The following FREM3 variants were observed in gnomAD, a reference collection of about 807,000 sequenced individuals.
FREM3 encodes FRAS1-related extracellular matrix protein 3.
FREM3 carries 105 observed loss-of-function variants against 129.1 expected under a neutral mutation model. The observed-to-expected ratio is 0.81, with a 90% CI of 0.69 to 0.96. FREM3 has a LOEUF of 0.96. FREM3 is among the 40% of genes least tolerant of loss of function. FREM3 has a pLI of 0.00. For missense variants in FREM3, 2,593 were observed against 2,666.3 expected (o/e 0.97, Z 0.61); for synonymous variants, 1,014 against 1,044.9 (o/e 0.97, Z 0.57).
intron 7 of FREM3, among the ~76,000 whole-genome samples, chr4:143,582,671 T>C (rs1284155739): frequency 6.6e-6 from 1 of 152,082 alleles, no homozygotes; most frequent in South Asian, 2.1e-4. Flanking sequence ...CAGGCTGAAA[T>C]GACTGAAATA....
chr4:143,588,982 C>T (rs1738301181), intron 6 of FREM3, among the ~76,000 whole-genome samples: 1 of 151,942 alleles, frequency 6.6e-6, no homozygotes, highest in Admixed American at 6.6e-5. Flanking sequence ...ATTTGCATTT[C>T]TCTGATGGCC....
intron 2 of FREM3, among the ~76,000 whole-genome samples, chr4:143,648,289 C>T (rs1466992604): frequency 6.6e-6 from 1 of 152,202 alleles, no homozygotes; most frequent in African/African-American, 2.4e-5. Flanking sequence ...AGGGATTTGC[C>T]TTGTCTCAGA....
chr4:143,663,735 A>T (rs1739789232), intron 2 of FREM3, among the ~76,000 whole-genome samples: 1 of 152,008 alleles, frequency 6.6e-6, no homozygotes, highest in Admixed American at 6.6e-5. Flanking sequence ...TCAGATGTAG[A>T]TTTGGTCTTT....
chr4:143,679,169 A>C (rs1200921409), intron 2 of FREM3, among the ~76,000 whole-genome samples: 2 of 152,194 alleles, frequency 1.3e-5, no homozygotes, highest in Admixed American at 1.3e-4. Flanking sequence ...GGACTATTTA[A>C]AAAATACCAC....
At chr4:143,582,187 C>A (rs1459604927) in intron 7 of FREM3, among the ~76,000 whole-genome samples, 1 of 152,166 alleles carries the variant, frequency 6.6e-6, no homozygotes, top group Non-Finnish European at 1.5e-5. Context: ...GAGTGTAAAG[C>A]CTGAGCTTGC....
chr4:143,693,067 AT>A, intron 2 of FREM3, 45 bp downstream of exon 2: 1 of 1,030,660 alleles, frequency 9.7e-7, no homozygotes, highest in South Asian at 1.8e-5. Context: ...TTTTATGTTG[AT>A]TTTAGTTAAC....
chr4:143,643,429 T>C (rs570133835), intron 2 of FREM3, among the ~76,000 whole-genome samples: 7 of 151,540 alleles, frequency 4.6e-5, no homozygotes, highest in Admixed American at 4.6e-4. Context: ...TGTTTTATTA[T>C]ATAATATATA....
chr4:143,577,599 T>C lies in FREM3; in HGVS notation c.*12A>G. On this transcript the variant is annotated 3_prime_UTR_variant, in exon 8 of 8. Transcript: ENST00000329798. Reference sequence around the variant, plus strand: ...GACATATCTTGGCTGTTTTTTTCCCTCTTAAAGTCTTTCAATCAAAGGAAC... The same window carrying C: ...GACATATCTTGGCTGTTTTTTTCCCCCTTAAAGTCTTTCAATCAAAGGAAC... 6.5e-7 allele frequency: 1 copy of C among 1,534,426 alleles called. No homozygotes were observed. Among genetic ancestry groups the C allele is most frequent in the Non-Finnish European group, 8.7e-7 (1 of 1,144,970 alleles).
At chr4:143,581,586 C>T (rs1216204515) in intron 7 of FREM3, among the ~76,000 whole-genome samples, 1 of 152,010 alleles carries the variant, frequency 6.6e-6, no homozygotes, top group Non-Finnish European at 1.5e-5. Flanking sequence ...GCCACTGCCA[C>T]TGCAGTGGTT....
chr4:143,589,948 G>T (rs1208242142), intron 6 of FREM3, among the ~76,000 whole-genome samples: 1 of 152,070 alleles, frequency 6.6e-6, no homozygotes, highest in Non-Finnish European at 1.5e-5. Flanking sequence ...CCTTGAAGAG[G>T]TCCTTCACCT....
chr4:143,682,813 G>C (rs1002774502), intron 2 of FREM3, among the ~76,000 whole-genome samples: 1 of 152,186 alleles, frequency 6.6e-6, no homozygotes, highest in Non-Finnish European at 1.5e-5. Context: ...GAGAACAATG[G>C]TTCAATGTTT....
chr4:143,577,572 G>A lies in FREM3; in HGVS notation c.*39C>T. The A allele has an allele frequency of 4.6e-6, 7 of 1,515,576 alleles. No homozygotes were observed. Among genetic ancestry groups the A allele is most frequent in the Admixed American group, 2.0e-5 (1 of 49,376 alleles). The allele number at this position is 1,515,576 out of a possible 1,614,324, so 93.9% of individuals were successfully genotyped here. ...CAGTAGAGTTTCATTCTGTTGTTAG[G>A]AGACATATCTTGGCTGTTTTTTTCC... On this transcript the variant is annotated 3_prime_UTR_variant, in exon 8 of 8. Transcript: ENST00000329798.
chr4:143,663,686 A>G (rs1042388133), intron 2 of FREM3, among the ~76,000 whole-genome samples: 94 of 152,262 alleles, frequency 6.2e-4, no homozygotes, highest in Non-Finnish European at 2.9e-4. Context: ...GTGTTTTCCA[A>G]CTTGGTTCCA....
At chr4:143,695,166 C>A (rs1479466224) in intron 1 of FREM3, among the ~76,000 whole-genome samples, 1 of 152,202 alleles carries the variant, frequency 6.6e-6, no homozygotes, top group Non-Finnish European at 1.5e-5. Flanking sequence ...AATTCAAAAT[C>A]AATCTGATAT....
intron 6 of FREM3, among the ~76,000 whole-genome samples, chr4:143,592,269 T>C (rs1011525176): frequency 2.0e-5 from 3 of 152,190 alleles, no homozygotes; most frequent in Non-Finnish European, 2.9e-5. Context: ...ATGTGTGAAT[T>C]TGATCCTGTC....
intron 6 of FREM3, among the ~76,000 whole-genome samples, chr4:143,609,948 T>C (rs1738727224): frequency 6.6e-6 from 1 of 152,210 alleles, no homozygotes; most frequent in South Asian, 2.1e-4. Flanking sequence ...CTCCTATCTC[T>C]TTGGTTTAAC....
intron 2 of FREM3, among the ~76,000 whole-genome samples, chr4:143,633,479 C>G (rs982763421): frequency 1.3e-5 from 2 of 152,074 alleles, no homozygotes. Flanking sequence ...GTTCCCTCTT[C>G]TAAGTGTTGA....
Position 143,611,531 on chromosome 4 carries a change from C to G in FREM3, c.5780-4G>C. On this transcript the variant is annotated splice_region_variant and splice_polypyrimidine_tract_variant and intron_variant, in intron 5 of 7. Coordinates refer to ENST00000329798, the MANE Select transcript of FREM3 (RefSeq NM_001168235.2). Reference sequence around the variant, plus strand: ...GAAATCGTGCCTGTGGCAGAACCTACAGAAATATGAGAAGGAACAGGGAGG... The same window carrying G: ...GAAATCGTGCCTGTGGCAGAACCTAGAGAAATATGAGAAGGAACAGGGAGG... The G allele has an allele frequency of 6.5e-7, 1 of 1,536,346 alleles. No homozygotes were observed. Among genetic ancestry groups the G allele is most frequent in the South Asian group, 1.2e-5 (1 of 83,926 alleles).
chr4:143,631,412 C>T (rs1739138228), intron 2 of FREM3, among the ~76,000 whole-genome samples: 1 of 152,128 alleles, frequency 6.6e-6, no homozygotes, highest in Non-Finnish European at 1.5e-5. Context: ...AGCACCGTCT[C>T]AGCTCACTGT....
Sources: allele counts gnomAD v4.1 joint callset (sites outside exome capture counted in the v4.1 genomes callset), GRCh38; gene constraint gnomAD v4.1.1; transcripts MANE v1.5; gene names NCBI Gene and HGNC (gene_info 2026-07-23, HGNC 2026-07-21).